PDGFD: variants seen among roughly 807,000 people sequenced by gnomAD.
PDGFD encodes platelet derived growth factor D, also known as platelet-derived growth factor D.
Under a neutral mutation model 44.7 loss-of-function variants are expected in PDGFD, and 30 were observed. The ratio of observed to expected loss-of-function variants is 0.67; its 90% CI spans 0.50 to 0.91. The LOEUF is 0.91. Among genes scored for constraint, PDGFD ranks in the 40% least tolerant of loss-of-function variants. The pLI, the probability that PDGFD is intolerant of heterozygous loss-of-function variation, is 0.00. For synonymous variants in PDGFD, 173 were observed against 168.4 expected, an observed-to-expected ratio of 1.03 and a Z score of -0.21; for missense variants, 445 against 457.8, an observed-to-expected ratio of 0.97 and a Z score of 0.25.
At chr11:104,040,132 G>C (rs2134398368) in intron 1 of PDGFD, among the ~76,000 whole-genome samples, 1 of 152,158 alleles carries the variant, frequency 6.6e-6, no homozygotes, top group East Asian at 1.9e-4. Flanking sequence ...TCTGGCATGA[G>C]ATAAACTTTT....
intron 1 of PDGFD, among the ~76,000 whole-genome samples, chr11:104,092,154 T>C (rs931325889): frequency 6.6e-6 from 1 of 152,134 alleles, no homozygotes; most frequent in African/African-American, 2.4e-5. Flanking sequence ...TGTATATCAG[T>C]GCCAAAATCT....
intron 1 of PDGFD, chr11:104,037,036 G>A (rs770274476): frequency 4.3e-6 from 7 of 1,614,140 alleles, no homozygotes; most frequent in Admixed American, 3.3e-5. Flanking sequence ...TGGCGATATC[G>A]TGGTTTTACT....
intron 1 of PDGFD, among the ~76,000 whole-genome samples, chr11:104,001,252 T>A (rs975180157): frequency 6.6e-6 from 1 of 152,194 alleles, no homozygotes; most frequent in Non-Finnish European, 1.5e-5. Context: ...TGGGTGAGTT[T>A]CCCAGGTGGG....
At chr11:103,925,092 A>G (rs192581376) in intron 6 of PDGFD, among the ~76,000 whole-genome samples, 30 of 152,152 alleles carry the variant, frequency 2.0e-4, no homozygotes, top group Admixed American at 5.2e-4. Context: ...GCTGAGAATG[A>G]TGGTTTCTAG....
At chr11:103,918,567 G>A (rs1767558182) in intron 6 of PDGFD, among the ~76,000 whole-genome samples, 1 of 152,160 alleles carries the variant, frequency 6.6e-6, no homozygotes, top group Non-Finnish European at 1.5e-5. Context: ...AGCCTGGGCA[G>A]TTTTTCTAAC....
intron 1 of PDGFD, among the ~76,000 whole-genome samples, 160 bp from the exon 2 acceptor site, chr11:104,000,415 C>G (rs74930563): frequency 1.3e-5 from 2 of 152,148 alleles, no homozygotes; most frequent in African/African-American, 4.8e-5. Flanking sequence ...TTTTCTCACA[C>G]TGATGGCGTA....
At chr11:104,040,850 AAAT>A (rs1446857612) in intron 1 of PDGFD, among the ~76,000 whole-genome samples, 3 of 152,034 alleles carry the variant, frequency 2.0e-5, no homozygotes, top group Non-Finnish European at 2.9e-5. Context: ...TCTTGAAATG[AAAT>A]AATAGGATAT....
intron 1 of PDGFD, among the ~76,000 whole-genome samples, chr11:104,001,516 G>C (rs145213589): frequency 6.6e-6 from 1 of 152,204 alleles, no homozygotes; most frequent in Non-Finnish European, 1.5e-5. Context: ...GTGAGCTGGG[G>C]TCCCCCAAAC....
intron 1 of PDGFD, among the ~76,000 whole-genome samples, chr11:104,115,317 CTATA>C (rs1031703622): frequency 3.4e-5 from 5 of 148,286 alleles, no homozygotes; most frequent in Non-Finnish European, 5.9e-5. Flanking sequence ...TGGAATACTA[CTATA>C]TATAGTCATA....
At chr11:104,130,070 T>A (rs1446583503) in intron 1 of PDGFD, among the ~76,000 whole-genome samples, 1 of 150,382 alleles carries the variant, frequency 6.6e-6, no homozygotes, top group Non-Finnish European at 1.5e-5. Context: ...TAAAGGGGGT[T>A]GACAGAGCAT....
Position 103,930,552 on chromosome 11 carries a change from A to G in PDGFD, c.773-3426T>C, listed in dbSNP as rs531208208. On this transcript the variant is annotated intron_variant, in intron 5 of 6. Transcript: ENST00000393158. ...GAAACTGAGCCTTTCAAAAGTTAAGAAAAAAAAAAAAAAAACTTGTCCACA... is the reference window on the plus strand; with the variant it reads ...GAAACTGAGCCTTTCAAAAGTTAAGGAAAAAAAAAAAAAAACTTGTCCACA... 5.6e-4 allele frequency among the ~76,000 whole-genome samples: 18 copies of G among 32,112 alleles called. No homozygotes were observed. The African/African-American group carries it at 0.01, about 19-fold the overall frequency. 21.1% of individuals were successfully genotyped at this position (32,112 alleles called of 152,430 possible).
chr11:104,095,912 A>G (rs1157995025), intron 1 of PDGFD, among the ~76,000 whole-genome samples: 1 of 152,192 alleles, frequency 6.6e-6, no homozygotes, highest in African/African-American at 2.4e-5. Context: ...AATGTGAGTT[A>G]GCTCTATTAG....
chr11:103,955,812 T>A (rs1265190583), intron 3 of PDGFD, among the ~76,000 whole-genome samples: 1 of 152,090 alleles, frequency 6.6e-6, no homozygotes, highest in African/African-American at 2.4e-5. Context: ...TAAATTTTAA[T>A]AAGAAATATA....
chr11:104,045,060 A>G (rs1028465279), intron 1 of PDGFD, among the ~76,000 whole-genome samples: 1 of 151,904 alleles, frequency 6.6e-6, no homozygotes, highest in African/African-American at 2.4e-5. Context: ...CAAACAAACA[A>G]ACACCTGATA....
intron 4 of PDGFD, among the ~76,000 whole-genome samples, chr11:103,946,173 G>A (rs974438587): frequency 2.0e-5 from 3 of 152,170 alleles, no homozygotes; most frequent in Admixed American, 2.0e-4. Flanking sequence ...CTCTGGAAAT[G>A]CAAAACCACT....
At chr11:104,034,787 C>T (rs533746783) in intron 1 of PDGFD, among the ~76,000 whole-genome samples, 21 of 152,072 alleles carry the variant, frequency 1.4e-4, no homozygotes, top group Middle Eastern at 6.8e-3. Context: ...GGACTACAGG[C>T]GCCCACCACA....
Position 103,970,589 on chromosome 11 carries a change from T to A in PDGFD, c.511-22865A>T, listed in dbSNP as rs146554388. ...GGAGCTTAGAGAAAAGCTGATTGAT[T>A]AAGAGGCTGGGAAAATGACTTAAGA... is the stretch of plus-strand genomic sequence containing the variant. On this transcript the variant is annotated intron_variant, in intron 3 of 6. Coordinates refer to ENST00000393158, the MANE Select transcript of PDGFD (RefSeq NM_025208.5). Among the ~76,000 whole-genome samples the A allele has an allele frequency of 2.4e-3, 362 of 152,190 alleles. 2 individuals carry two copies. The highest frequency in any genetic ancestry group is 8.3e-3 in the African/African-American group (344 of 41,558).
At chr11:103,925,459 T>C (rs781611071) in intron 6 of PDGFD, among the ~76,000 whole-genome samples, 6 of 152,072 alleles carry the variant, frequency 3.9e-5, no homozygotes, top group Non-Finnish European at 8.8e-5. Context: ...ATATTTCATA[T>C]GCATTATTTT....
chr11:104,079,831 T>TGG (rs1861018636), intron 1 of PDGFD, among the ~76,000 whole-genome samples: 1 of 152,192 alleles, frequency 6.6e-6, no homozygotes, highest in Non-Finnish European at 1.5e-5. Context: ...GAATGAATTA[T>TGG]TAATGGTAAA....
Sources: allele counts gnomAD v4.1 joint callset (sites outside exome capture counted in the v4.1 genomes callset), GRCh38; gene constraint gnomAD v4.1.1; transcripts MANE v1.5; gene names NCBI Gene and HGNC (gene_info 2026-07-23, HGNC 2026-07-21).